TTYH2: variants seen among roughly 807,000 people sequenced by gnomAD.
The protein encoded by TTYH2 is tweety family member 2.
A neutral mutation model predicts 68.3 loss-of-function variants in TTYH2; 49 were observed. That is an observed-to-expected ratio of 0.72 (90% CI 0.57 to 0.91). The LOEUF (loss-of-function observed/expected upper bound fraction) is 0.91, where lower values mean the gene tolerates loss of function less well. Ranked by LOEUF, TTYH2 falls within the 40% of genes least tolerant of loss-of-function variation. The pLI, the probability that TTYH2 is intolerant of heterozygous loss-of-function variation, is 0.00. For synonymous variants in TTYH2, 272 were observed against 300.8 expected, an observed-to-expected ratio of 0.90 and a Z score of 0.99; for missense variants, 631 against 700.4, an observed-to-expected ratio of 0.90 and a Z score of 1.12.
intron 3 of TTYH2, among the ~76,000 whole-genome samples, chr17:74,231,500 C>A (rs2143738278): frequency 6.6e-6 from 1 of 152,136 alleles, no homozygotes; most frequent in Admixed American, 6.5e-5. Context: ...CCAGCCTGGG[C>A]AACATGGCAA....
chr17:74,231,633 C>T (rs1389681240), intron 3 of TTYH2, among the ~76,000 whole-genome samples: 7 of 151,668 alleles, frequency 4.6e-5, no homozygotes, highest in African/African-American at 7.3e-5. Flanking sequence ...GCCAAGATCA[C>T]GCCACCACAC....
chr17:74,253,045 C>A (rs1364587887), intron 11 of TTYH2, 36 bp from the exon 12 acceptor site: 7 of 1,609,820 alleles, frequency 4.3e-6, no homozygotes, highest in African/African-American at 1.3e-5. Context: ...CCTCCTTCAC[C>A]CTTCACAGCC....
At chr17:74,244,968 A>G (rs2050541902) in intron 6 of TTYH2, among the ~76,000 whole-genome samples, 1 of 152,168 alleles carries the variant, frequency 6.6e-6, no homozygotes, top group Non-Finnish European at 1.5e-5. Flanking sequence ...CACTGATTCA[A>G]AGTCCACAGA....
At position 74,252,357 on chromosome 17, in the gene TTYH2, T is replaced by G; in HGVS notation, c.1240T>G (p.Trp414Gly). Residue 414 changes from tryptophan (W) to glycine (G), a missense_variant, in exon 11 of 14, where the codon TGG becomes GGG. By Grantham distance (184) the Trp-to-Gly change is radical (BLOSUM62 -2). Coordinates refer to ENST00000269346, the MANE Select transcript of TTYH2 (RefSeq NM_032646.6). The part of the protein sequence containing the change: ...STMICAGPRA[W>G]KHFTTRNRDY... ...CATGATCTGTGCAGGGCCAAGGGCC[T>G]GGAAGCACTTCACCACCAGGTGGGC... 1 of 1,613,728 alleles carries G rather than the reference T, an allele frequency of 6.2e-7. No individual in the cohort carries two copies. Among genetic ancestry groups the G allele is most frequent in the Non-Finnish European group, 8.5e-7 (1 of 1,179,982 alleles).
chr17:74,248,430 TC>T (rs1239965166), intron 6 of TTYH2: 1 of 987,008 alleles, frequency 1.0e-6, no homozygotes, highest in Admixed American at 6.0e-5. Flanking sequence ...GCCTCTCAGC[TC>T]CATGCCCTTC....
intron 2 of TTYH2, among the ~76,000 whole-genome samples, chr17:74,224,621 G>A (rs1323520468): frequency 2.6e-5 from 4 of 152,238 alleles, no homozygotes; most frequent in Non-Finnish European, 5.9e-5. Context: ...GGCACCAGCA[G>A]TAAGAAAACA....
rs945569071 is a variant in TTYH2, at chr17:74,232,370, G to T, written c.414+1371G>T. On this transcript the variant is annotated intron_variant, in intron 3 of 13. Transcript: ENST00000269346. The surrounding 1 kb of genome is among the most constrained non-coding windows in gnomAD (Gnocchi z 5.1). The stretch of plus-strand genomic sequence containing the variant: ...GCTGAGGGTGGCTACAAAACCAGGG[G>T]CCCTGGTCCTTTGCAGAGTTCATTC... Among the ~76,000 whole-genome samples, 2 of 152,168 alleles carry T rather than the reference G, an allele frequency of 1.3e-5. No homozygotes were observed. Among genetic ancestry groups the T allele is most frequent in the African/African-American group, 4.8e-5 (2 of 41,436 alleles).
Position 74,234,049 on chromosome 17 carries a change from C to T in TTYH2, c.414+3050C>T, listed in dbSNP as rs150161142. Among the ~76,000 whole-genome samples the T allele has an allele frequency of 9.5e-3, 1,447 of 152,298 alleles. 24 individuals carry two copies. Among genetic ancestry groups the T allele is most frequent in the African/African-American group, 0.033 (1,375 of 41,554 alleles). The stretch of plus-strand genomic sequence containing the variant: ...CACACTTCCAGATAAGCTCACTGAG[C>T]GCTGGAGAGTCCTCCCTCCCAGAAG... On this transcript the variant is annotated intron_variant, in intron 3 of 13. Coordinates refer to ENST00000269346, the MANE Select transcript of TTYH2 (RefSeq NM_032646.6).
intron 2 of TTYH2, among the ~76,000 whole-genome samples, chr17:74,227,872 C>T (rs562008667): frequency 9.9e-5 from 15 of 151,772 alleles, no homozygotes; most frequent in African/African-American, 3.6e-4. Context: ...CTTATCTGCA[C>T]TTAACAGGCT....
chr17:74,253,737 C>G lies in TTYH2; in HGVS notation c.1446-18C>G. On this transcript the variant is annotated intron_variant, in intron 12 of 13. Transcript: ENST00000269346. ...CTCCCACACCATCCCCTCCTGAGCTCTCCTCTCATCCCCGCAGGAACCAAG... is the reference window on the plus strand; with the variant it reads ...CTCCCACACCATCCCCTCCTGAGCTGTCCTCTCATCCCCGCAGGAACCAAG... The G allele has an allele frequency of 1.2e-6, 2 of 1,613,934 alleles. No homozygotes were observed. Among genetic ancestry groups the G allele is most frequent in the Non-Finnish European group, 1.7e-6 (2 of 1,179,812 alleles).
At chr17:74,249,503 C>A in intron 8 of TTYH2, 104 bp downstream of exon 8, 5 of 1,287,160 alleles carry the variant, frequency 3.9e-6, no homozygotes, top group Non-Finnish European at 5.6e-6. Flanking sequence ...GCCTTGCTTG[C>A]CTCACTGTGG....
In TTYH2 at chr17:74,222,662, G is replaced by A. The variant is rs965106699; in HGVS notation, c.302+5G>A. Reference sequence around the variant, plus strand: ...GGTGGCCGGGCTCATCTGCTGGTGAGTGTCCCTGGACGCTGGGCTTGGGGT... The same window carrying A: ...GGTGGCCGGGCTCATCTGCTGGTGAATGTCCCTGGACGCTGGGCTTGGGGT... On this transcript the variant is annotated splice_donor_5th_base_variant and intron_variant, in intron 2 of 13. Coordinates refer to ENST00000269346, the MANE Select transcript of TTYH2 (RefSeq NM_032646.6). This position sits in a 1 kb window ranked among gnomAD's most constrained non-coding sequence, Gnocchi z 5.2. The A allele has an allele frequency of 5.0e-6, 8 of 1,606,402 alleles. No homozygotes were observed. Among genetic ancestry groups the A allele is most frequent in the Admixed American group, 1.7e-5 (1 of 59,814 alleles).
At chr17:74,225,146 G>A (rs2050317134) in intron 2 of TTYH2, among the ~76,000 whole-genome samples, 1 of 152,220 alleles carries the variant, frequency 6.6e-6, no homozygotes, top group South Asian at 2.1e-4. Context: ...ACTTGGCAAA[G>A]GTGGGGGCAG....
intron 2 of TTYH2, among the ~76,000 whole-genome samples, chr17:74,227,837 C>T (rs1184253437): frequency 1.3e-5 from 2 of 151,764 alleles, no homozygotes; most frequent in East Asian, 3.9e-4. Flanking sequence ...ATTCCCAGAC[C>T]ACACTGATGG....
rs145256855 is a variant in TTYH2 at position 74,236,463 on chromosome 17, T to C, written c.415-831T>C. Among the ~76,000 whole-genome samples, 355 of 152,384 alleles carry C rather than the reference T, an allele frequency of 2.3e-3. 3 individuals carry two copies. The highest frequency in any genetic ancestry group is 8.3e-3 in the African/African-American group (346 of 41,598). ...AAGTTTTAAGAGAATCTTCAAAGAATAATGGATTATTTTGTTGGTTTCTCC... is the reference window on the plus strand; with the variant it reads ...AAGTTTTAAGAGAATCTTCAAAGAACAATGGATTATTTTGTTGGTTTCTCC... On this transcript the variant is annotated intron_variant, in intron 3 of 13. Coordinates refer to ENST00000269346, the MANE Select transcript of TTYH2 (RefSeq NM_032646.6).
At chr17:74,249,683 C>T (rs1429186600) in intron 8 of TTYH2, among the ~76,000 whole-genome samples, 1 of 152,162 alleles carries the variant, frequency 6.6e-6, no homozygotes, top group Non-Finnish European at 1.5e-5. Context: ...CCAGGTGAGG[C>T]CAGGGCTGCT....
At chr17:74,238,750 C>T (rs1291966044) in intron 4 of TTYH2, among the ~76,000 whole-genome samples, 2 of 151,746 alleles carry the variant, frequency 1.3e-5, no homozygotes, top group Admixed American at 6.6e-5. Context: ...GCCTGTAATC[C>T]CAGCTACTTG....
rs773382990 is a variant in TTYH2, at chr17:74,253,101, T to TTGA, written c.1290_1292dup (p.Asp431dup). ...TCTAGAAACAGAGACTACGATGACA[T>TTGA]TGATGATGATGACCCCTTTAACCCC... On this transcript the variant is annotated inframe_insertion, in exon 12 of 14. Transcript: ENST00000269346. The TTGA allele has an allele frequency of 6.8e-6, 11 of 1,613,488 alleles. No homozygotes were observed. Among genetic ancestry groups the TTGA allele is most frequent in the Admixed American group, 5.0e-5 (3 of 59,892 alleles).
chr17:74,234,850 C>A (rs1393774320), intron 3 of TTYH2, among the ~76,000 whole-genome samples: 3 of 152,206 alleles, frequency 2.0e-5, no homozygotes, highest in Non-Finnish European at 4.4e-5. Flanking sequence ...CAGAATGGCA[C>A]TATTCTTTGA....
Sources: gnomAD v4.1 joint callset for allele counts (sites outside exome capture counted in the v4.1 genomes callset) on GRCh38, gnomAD v4.1.1 for gene constraint, Gnocchi (gnomAD v3.1) non-coding constraint, MANE v1.5 for transcripts, NCBI Gene and HGNC (gene_info 2026-07-23, HGNC 2026-07-21) for gene names.